Variants in MLLT3 observed in about 807,000 individuals in gnomAD.
The protein encoded by MLLT3 is protein AF-9.
A neutral mutation model predicts 53.2 loss-of-function variants in MLLT3; 4 were observed. That is an observed-to-expected ratio of 0.08 (90% CI 0.04 to 0.17). The LOEUF is 0.17. MLLT3 is among the 10% of genes least tolerant of loss of function. The pLI, the probability that MLLT3 is intolerant of heterozygous loss-of-function variation, is 1.00. For synonymous variants in MLLT3, 283 were observed against 230.6 expected (o/e 1.23, Z -2.06); for missense variants, 569 against 684.0 (o/e 0.83, Z 1.87).
intron 2 of MLLT3, among the ~76,000 whole-genome samples, chr9:20,580,486 C>T (rs1008496633): frequency 6.6e-6 from 1 of 152,080 alleles, no homozygotes; most frequent in African/African-American, 2.4e-5. Flanking sequence ...AGAGCCAAGA[C>T]TCTTCATAAA....
intron 5 of MLLT3, among the ~76,000 whole-genome samples, chr9:20,410,091 A>G (rs1822685369): frequency 2.0e-5 from 3 of 152,192 alleles, no homozygotes; most frequent in African/African-American, 7.2e-5. Flanking sequence ...ATGTAGCAGA[A>G]CCATATCAAC....
intron 2 of MLLT3, among the ~76,000 whole-genome samples, chr9:20,472,054 T>C (rs1046911677): frequency 2.6e-5 from 4 of 152,094 alleles, no homozygotes; most frequent in African/African-American, 7.2e-5. Context: ...TTGAACTTCA[T>C]GTTTTAGTTT....
intron 5 of MLLT3, among the ~76,000 whole-genome samples, chr9:20,388,485 G>A (rs1332321622): frequency 6.6e-6 from 1 of 152,104 alleles, no homozygotes; most frequent in Admixed American, 6.5e-5. Context: ...CTACTCGGGA[G>A]GCTGAGGCAG....
intron 5 of MLLT3, among the ~76,000 whole-genome samples, chr9:20,389,824 C>G (rs1217842280): frequency 6.6e-6 from 1 of 152,200 alleles, no homozygotes; most frequent in Non-Finnish European, 1.5e-5. Flanking sequence ...AAGAAAACCA[C>G]TTTAAATGGG....
intron 2 of MLLT3, among the ~76,000 whole-genome samples, chr9:20,489,654 A>G (rs547655120): frequency 6.6e-6 from 1 of 152,332 alleles, no homozygotes; most frequent in South Asian, 2.1e-4. Context: ...CAAGATACAG[A>G]AGACATGGCT....
chr9:20,382,919 C>T (rs1821940364), intron 5 of MLLT3, among the ~76,000 whole-genome samples: 1 of 151,766 alleles, frequency 6.6e-6, no homozygotes, highest in Non-Finnish European at 1.5e-5. Context: ...GTAAGACCTG[C>T]CCATCCTATC....
At chr9:20,373,165 A>C (rs1343731363) in intron 5 of MLLT3, among the ~76,000 whole-genome samples, 2 of 152,182 alleles carry the variant, frequency 1.3e-5, no homozygotes, top group African/African-American at 4.8e-5. Flanking sequence ...TTGATATAAT[A>C]AAGTAAAAAC....
intron 2 of MLLT3, among the ~76,000 whole-genome samples, chr9:20,462,127 C>T (rs983979204): frequency 7.2e-5 from 11 of 152,088 alleles, no homozygotes; most frequent in East Asian, 1.9e-4. Flanking sequence ...GGTAGCTTAC[C>T]GCACCTACCA....
chr9:20,522,390 A>G (rs962387633), intron 2 of MLLT3, among the ~76,000 whole-genome samples: 29 of 152,202 alleles, frequency 1.9e-4, no homozygotes, highest in African/African-American at 6.8e-4. Context: ...AGCAATTAAC[A>G]TATTTTAAAA....
intron 2 of MLLT3, among the ~76,000 whole-genome samples, chr9:20,551,614 A>T (rs1194644689): frequency 6.6e-6 from 1 of 152,224 alleles, no homozygotes; most frequent in African/African-American, 2.4e-5. Context: ...GAAAGTGCTG[A>T]AATTCCAGAA....
chr9:20,580,328 C>T (rs1156564143), intron 2 of MLLT3, among the ~76,000 whole-genome samples: 2 of 152,042 alleles, frequency 1.3e-5, no homozygotes, highest in Non-Finnish European at 2.9e-5. Flanking sequence ...AGAGTCCCAT[C>T]TAACACTTTG....
At chr9:20,578,548 A>G (rs1222038656) in intron 2 of MLLT3, among the ~76,000 whole-genome samples, 1 of 152,108 alleles carries the variant, frequency 6.6e-6, no homozygotes, top group Non-Finnish European at 1.5e-5. Flanking sequence ...AAGATGGGAA[A>G]CATATCAAAT....
chr9:20,413,903 G>C lies in MLLT3; in HGVS notation c.943C>G (p.Pro315Ala). The part of the protein sequence containing the change: ...ALFKSFSSAP[P>A]LILTCSADKK... ...TCAGCAGAACAAGTGAGTATCAGTG[G>C]TGGTGCGCTAGAAAAACTTTTAAAT... Residue 315 changes from proline (P) to alanine (A), a missense_variant, in exon 5 of 11, where the codon CCA becomes GCA. Coordinates refer to ENST00000380338, the MANE Select transcript of MLLT3 (RefSeq NM_004529.4). The C allele has an allele frequency of 1.2e-6, 2 of 1,613,686 alleles. No homozygotes were observed. Among genetic ancestry groups the C allele is most frequent in the Non-Finnish European group, 1.7e-6 (2 of 1,179,946 alleles).
rs113127467 is a variant in MLLT3, at chr9:20,538,660, A to C, written c.194-81874T>G. On this transcript the variant is annotated intron_variant, in intron 2 of 10. Coordinates refer to ENST00000380338, the MANE Select transcript of MLLT3 (RefSeq NM_004529.4). The stretch of plus-strand genomic sequence containing the variant: ...AGAGAAAATGAATACAAAATGCAAA[A>C]ATTTATAAACTATATAAAATTAAAG... Among the ~76,000 whole-genome samples the C allele has an allele frequency of 2.0e-5, 3 of 152,372 alleles. 1 individual carries two copies. The highest frequency in any genetic ancestry group is 7.2e-5 in the African/African-American group (3 of 41,592).
At chr9:20,493,801 C>T (rs1483826354) in intron 2 of MLLT3, among the ~76,000 whole-genome samples, 1 of 152,010 alleles carries the variant, frequency 6.6e-6, no homozygotes, top group Non-Finnish European at 1.5e-5. Context: ...TTAAGTTTTT[C>T]ACATTATTGT....
intron 2 of MLLT3, among the ~76,000 whole-genome samples, chr9:20,469,170 A>G (rs974580966): frequency 1.3e-5 from 2 of 152,186 alleles, no homozygotes; most frequent in Non-Finnish European, 2.9e-5. Flanking sequence ...TTTTACATGT[A>G]TAAATCAAAC....
At chr9:20,506,813 A>T (rs1391334976) in intron 2 of MLLT3, among the ~76,000 whole-genome samples, 1 of 152,226 alleles carries the variant, frequency 6.6e-6, no homozygotes, top group African/African-American at 2.4e-5. Flanking sequence ...GCATATGGCA[A>T]GCATATGGGA....
At chr9:20,360,895 A>G in intron 7 of MLLT3, 54 bp from the exon 8 acceptor site, 1 of 1,477,320 alleles carries the variant, frequency 6.8e-7, no homozygotes. Flanking sequence ...GATTCTTGAA[A>G]TACCCATAGA....
chr9:20,565,972 A>ATATATATATATT (rs1563820622), intron 2 of MLLT3, among the ~76,000 whole-genome samples: 3 of 20,028 alleles, frequency 1.5e-4, no homozygotes, highest in African/African-American at 4.2e-4. Flanking sequence ...ATATATTTAT[A>ATATATATATATT]TATATATATA....
Sources: gnomAD v4.1 joint callset for allele counts (sites outside exome capture counted in the v4.1 genomes callset) on GRCh38, gnomAD v4.1.1 for gene constraint, MANE v1.5 for transcripts, NCBI Gene and HGNC (gene_info 2026-07-23, HGNC 2026-07-21) for gene names.